The following SLC39A13 variants were observed in gnomAD, a reference collection of about 807,000 sequenced individuals.
SLC39A13 encodes zinc transporter ZIP13.
SLC39A13 carries 18 observed loss-of-function variants against 38.7 expected under a neutral mutation model. That is an observed-to-expected ratio of 0.47 (90% CI 0.32 to 0.69). The LOEUF is 0.69. Ranked by LOEUF, SLC39A13 falls within the 30% of genes least tolerant of loss-of-function variation. The pLI is 0.03. For missense variants in SLC39A13, 395 were observed against 490.7 expected, an observed-to-expected ratio of 0.80 and a Z score of 1.84; for synonymous variants, 212 against 219.1, an observed-to-expected ratio of 0.97 and a Z score of 0.29.
At chr11:47,410,823 C>T (rs564247362) in intron 2 of SLC39A13, among the ~76,000 whole-genome samples, 1 of 152,282 alleles carries the variant, frequency 6.6e-6, no homozygotes, top group East Asian at 1.9e-4. Context: ...AACGAGCATC[C>T]CAGGGGCTGG....
At chr11:47,415,226 C>T in intron 9 of SLC39A13, 62 bp from the exon 10 acceptor site, 1 of 1,613,282 alleles carries the variant, frequency 6.2e-7, no homozygotes, top group South Asian at 1.1e-5. Context: ...GAGGGAAGGG[C>T]TCCTGGCCGC....
In SLC39A13 at chr11:47,414,910, G is replaced by A; in HGVS notation, c.919+1G>A. 1 of 1,611,980 alleles carries A rather than the reference G, an allele frequency of 6.2e-7. No individual in the cohort carries two copies. Among genetic ancestry groups the A allele is most frequent in the Non-Finnish European group, 8.5e-7 (1 of 1,179,412 alleles). Reference sequence around the variant, plus strand: ...TGTACCCAGTCCCCCAAGGGAGTAGGTACGGGCGTGGCGGGTGGTTGTGGC... The same window carrying A: ...TGTACCCAGTCCCCCAAGGGAGTAGATACGGGCGTGGCGGGTGGTTGTGGC... On this transcript the variant is annotated splice_donor_variant, in intron 8 of 9. Transcript: ENST00000362021. LOFTEE classifies it high-confidence loss of function.
intron 4 of SLC39A13, 45 bp from the exon 5 acceptor site, chr11:47,413,355 T>C (rs756823281): frequency 4.0e-5 from 63 of 1,581,340 alleles, no homozygotes; most frequent in Non-Finnish European, 5.1e-5. Context: ...CCTGGCTGAG[T>C]GGGGGGCATC....
intron 2 of SLC39A13, among the ~76,000 whole-genome samples, chr11:47,411,664 G>C (rs998562220): frequency 6.6e-6 from 1 of 152,230 alleles, no homozygotes; most frequent in Non-Finnish European, 1.5e-5. Context: ...TGGAGAAACC[G>C]AGTCTCCAAA....
intron 2 of SLC39A13, 31 bp downstream of exon 2, chr11:47,410,426 G>T: frequency 6.2e-7 from 1 of 1,612,404 alleles, no homozygotes; most frequent in Non-Finnish European, 8.5e-7. Flanking sequence ...GCCCAGGGCT[G>T]GCCAGGGTGT....
At chr11:47,413,948 T>G in intron 6 of SLC39A13, 1 of 702,622 alleles carries the variant, frequency 1.4e-6, no homozygotes, top group Non-Finnish European at 2.6e-6. Context: ...TAGATGCTTC[T>G]TCCTCTACCT....
At position 47,414,907 on chromosome 11, in the gene SLC39A13, T is replaced by G. The variant is rs373957090; in HGVS notation, c.917T>G (p.Val306Gly). The G allele has an allele frequency of 1.2e-6, 2 of 1,611,848 alleles. No individual in the cohort carries two copies. Among genetic ancestry groups the G allele is most frequent in the African/African-American group, 2.7e-5 (2 of 74,928 alleles). The change falls in exon 8 of 10, where the codon GTA (valine) becomes GGA (glycine). Residue 306 changes from valine to glycine, a missense_variant and splice_region_variant. Val to Gly is a moderately radical substitution (Grantham distance 109). Coordinates refer to ENST00000362021, the MANE Select transcript of SLC39A13 (RefSeq NM_001128225.3). The stretch of plus-strand genomic sequence containing the variant: ...ATCTGTACCCAGTCCCCCAAGGGAG[T>G]AGGTACGGGCGTGGCGGGTGGTTGT... ...FAICTQSPKGVVGCSPAAEET... is the reference protein window; with the variant it reads ...FAICTQSPKGGVGCSPAAEET...
chr11:47,409,159 A>G (rs1240391768), intron 1 of SLC39A13: 1 of 152,402 alleles, frequency 6.6e-6, no homozygotes, highest in Non-Finnish European at 1.5e-5. Flanking sequence ...GCTCAAGGTC[A>G]CAGCCAGCCT....
rs141246142 is a variant in SLC39A13, at chr11:47,412,030, G to A, written c.406G>A (p.Ala136Thr). Reference protein sequence around the residue: ...LPEAWAYTCSASPGGEGQSLQ... With the variant: ...LPEAWAYTCSTSPGGEGQSLQ... ...CGAAGCCTGGGCCTACACGTGCAGC[G>A]CCAGCCCTGGTAAGTGAGGCCACAC... Residue 136 changes from alanine (A) to threonine (T), a missense_variant, in exon 3 of 10, where the codon GCC (alanine) becomes ACC (threonine). By Grantham distance (58) the Ala-to-Thr change is moderately conservative. Coordinates refer to ENST00000362021, the MANE Select transcript of SLC39A13 (RefSeq NM_001128225.3). 1.8e-4 allele frequency: 296 copies of A among 1,609,196 alleles called. No individual in the cohort carries two copies. The African/African-American group carries it at 3.4e-3, about 18-fold the overall frequency.
intron 3 of SLC39A13, 92 bp downstream of exon 3, chr11:47,412,131 ATTCTGGGT>A: frequency 3.0e-6 from 4 of 1,348,204 alleles, no homozygotes; most frequent in Non-Finnish European, 3.1e-6. Context: ...CAGGAGAGGG[ATTCTGGGT>A]TTCTGGCAGG....
At position 47,414,405 on chromosome 11, in the gene SLC39A13, C is replaced by T. The variant is rs1403653842; in HGVS notation, c.736-20C>T. 4 of 1,603,794 alleles carry T rather than the reference C, an allele frequency of 2.5e-6. No homozygotes were observed. In the East Asian group the frequency reaches 6.7e-5, roughly 27 times the overall value. ...CAGCCCTCAACACAGACCCCGCAGCCACGGCTCCCCTCCCTGCAGATCGGG... is the reference window on the plus strand; with the variant it reads ...CAGCCCTCAACACAGACCCCGCAGCTACGGCTCCCCTCCCTGCAGATCGGG... On this transcript the variant is annotated intron_variant, in intron 6 of 9. Coordinates refer to ENST00000362021, the MANE Select transcript of SLC39A13 (RefSeq NM_001128225.3).
intron 1 of SLC39A13, chr11:47,408,975 GC>G (rs1237786144): frequency 6.5e-6 from 1 of 152,930 alleles, no homozygotes; most frequent in Non-Finnish European, 1.5e-5. Context: ...CCTCGTCCTG[GC>G]CCAGTCTTGC....
Position 47,411,919 on chromosome 11 carries a change from C to A in SLC39A13, c.302-7C>A. Reference sequence around the variant, plus strand: ...CAGCCCCCAGACCCCGCATCTCTCCCTTGTAGCTGGGGCCTGGCGCCTGAA... The same window carrying A: ...CAGCCCCCAGACCCCGCATCTCTCCATTGTAGCTGGGGCCTGGCGCCTGAA... On this transcript the variant is annotated splice_polypyrimidine_tract_variant and splice_region_variant and intron_variant, in intron 2 of 9. Coordinates refer to ENST00000362021, the MANE Select transcript of SLC39A13 (RefSeq NM_001128225.3). The A allele has an allele frequency of 6.2e-7, 1 of 1,611,894 alleles. No homozygotes were observed.
intron 7 of SLC39A13, 106 bp from the exon 8 acceptor site, chr11:47,414,671 G>C: frequency 1.3e-6 from 2 of 1,571,840 alleles, no homozygotes; most frequent in Non-Finnish European, 1.7e-6. Flanking sequence ...GGGGTCCCAG[G>C]GGAAGGGTGG....
At position 47,413,432 on chromosome 11, in the gene SLC39A13, C is replaced by G; in HGVS notation, c.570C>G (p.Ala190=). 6.2e-7 allele frequency: 1 copy of G among 1,614,120 alleles called. No individual in the cohort carries two copies. Among genetic ancestry groups the G allele is most frequent in the East Asian group, 2.2e-5 (1 of 44,884 alleles). ...ACAAAGACCCCACTGCTGCTGCCGC[C>G]GCGCTCAATGGAGGCCACTGTCTGG... ...APNKDPTAAA[A]ALNGGHCLAQ... The change falls in exon 5 of 10, where the codon GCC becomes GCG. Residue 190 remains alanine (A), a synonymous_variant. Coordinates refer to ENST00000362021, the MANE Select transcript of SLC39A13 (RefSeq NM_001128225.3).
chr11:47,413,494 T>C lies in SLC39A13; in HGVS notation c.632T>C (p.Val211Ala). ...PAAEPGLGAV[V>A]RSIKVSGYLN... ...GCAGAGCCCGGCCTCGGTGCCGTGG[T>C]CCGGAGCATCAAAGTGAGTGGCCTG... is the stretch of plus-strand genomic sequence containing the variant. Residue 211 changes from valine to alanine, a missense_variant, in exon 5 of 10, where the codon GTC becomes GCC. Transcript: ENST00000362021. The C allele has an allele frequency of 1.2e-6, 2 of 1,614,042 alleles. No individual in the cohort carries two copies. The highest frequency in any genetic ancestry group is 1.7e-6 in the Non-Finnish European group (2 of 1,179,986).
chr11:47,408,638 G>C lies in SLC39A13; in HGVS notation c.-33G>C, dbSNP rs538845170. ...CGCAGCTGGATGGCTGGGGCCGCCC[G>C]GATCGCCGCCGCCGCCGCCGCACGG... On this transcript the variant is annotated 5_prime_UTR_variant, in exon 1 of 10. Coordinates refer to ENST00000362021, the MANE Select transcript of SLC39A13 (RefSeq NM_001128225.3). 163 of 139,008 alleles carry C rather than the reference G, an allele frequency of 1.2e-3. 1 individual carries two copies. Among genetic ancestry groups the C allele is most frequent in the African/African-American group, 3.8e-3 (149 of 39,228 alleles). 8.6% of individuals were successfully genotyped at this position (139,008 alleles called of 1,614,324 possible). A position where few individuals can be genotyped will look rare whatever the true frequency, so the allele number is the denominator to read the frequency against.
At chr11:47,409,934 T>C (rs2095989088) in intron 1 of SLC39A13, 153 bp from the exon 2 acceptor site, 1 of 828,280 alleles carries the variant, frequency 1.2e-6, no homozygotes, top group African/African-American at 1.7e-5. Flanking sequence ...CCCATTGCTG[T>C]GCACCCAGCA....
upstream of SLC39A13, chr11:47,408,550 CCCGGGCCGGGGGCCGGGCGG>C (rs2095981059): frequency 6.8e-6 from 1 of 146,392 alleles, no homozygotes; most frequent in African/African-American, 2.5e-5. Flanking sequence ...CGGGGGCGGC[CCCGGGCCGGGGGCCGGGCGG>C]CCGGGCGGCC....
Sources: gnomAD v4.1 joint callset for allele counts (sites outside exome capture counted in the v4.1 genomes callset) on GRCh38, gnomAD v4.1.1 for gene constraint, MANE v1.5 for transcripts, NCBI Gene and HGNC (gene_info 2026-07-23, HGNC 2026-07-21) for gene names.